PDZD8: variants seen among roughly 807,000 people sequenced by gnomAD.
PDZD8 encodes the protein PDZ domain-containing protein 8.
PDZD8 carries 14 observed loss-of-function variants against 85.8 expected under a neutral mutation model. The ratio of observed to expected loss-of-function variants is 0.16; its 90% CI spans 0.11 to 0.26. The LOEUF (loss-of-function observed/expected upper bound fraction) is 0.26, where lower values mean the gene tolerates loss of function less well. PDZD8 is among the 10% of genes least tolerant of loss of function. The pLI, the probability that PDZD8 is intolerant of heterozygous loss-of-function variation, is 1.00. For synonymous variants in PDZD8, 592 were observed against 568.6 expected, an observed-to-expected ratio of 1.04 and a Z score of -0.59; for missense variants, 1,197 against 1,424.3, an observed-to-expected ratio of 0.84 and a Z score of 2.57.
chr10:117,333,217 C>T (rs1408170827), intron 2 of PDZD8, among the ~76,000 whole-genome samples: 1 of 150,854 alleles, frequency 6.6e-6, no homozygotes, highest in Non-Finnish European at 1.5e-5. Flanking sequence ...GATTCAAATT[C>T]CAGTGGTACT....
At chr10:117,350,105 C>A (rs1189184321) in intron 1 of PDZD8, among the ~76,000 whole-genome samples, 1 of 152,068 alleles carries the variant, frequency 6.6e-6, no homozygotes, top group Admixed American at 6.5e-5. Flanking sequence ...CAAAACAATT[C>A]TTTGAGATAG....
chr10:117,345,329 G>A (rs1844686210), intron 1 of PDZD8, among the ~76,000 whole-genome samples: 1 of 152,176 alleles, frequency 6.6e-6, no homozygotes, highest in Admixed American at 6.5e-5. Context: ...CAGGAAATAA[G>A]ACAGCTGGGA....
At chr10:117,318,744 TAA>T in intron 3 of PDZD8, 126 bp downstream of exon 3, 1 of 605,174 alleles carries the variant, frequency 1.7e-6, no homozygotes, top group East Asian at 2.9e-5. Flanking sequence ...ACGAGACAAA[TAA>T]ATAAGAACTG....
chr10:117,342,713 A>G (rs1374459038), intron 1 of PDZD8, among the ~76,000 whole-genome samples: 2 of 152,142 alleles, frequency 1.3e-5, no homozygotes, highest in Non-Finnish European at 2.9e-5. Flanking sequence ...CCTGACCTCA[A>G]GTGATCTGCC....
Position 117,350,022 on chromosome 10 carries a change from A to G in PDZD8, c.873-8920T>C, listed in dbSNP as rs1178900546. Among the ~76,000 whole-genome samples the G allele has an allele frequency of 6.3e-4, 96 of 152,274 alleles. 2 individuals carry two copies. The highest frequency in any genetic ancestry group is 1.5e-4 in the Non-Finnish European group (10 of 68,012). ...TGTTTAGTAATACAGAGGTAACACC[A>G]CTATTATTAGTATAGCTAACACTTA... On this transcript the variant is annotated intron_variant, in intron 1 of 4. Transcript: ENST00000334464.
In PDZD8 at chr10:117,374,763, G is replaced by A. The variant is rs1026198655; in HGVS notation, c.465C>T (p.Pro155=). The A allele has an allele frequency of 1.9e-6, 3 of 1,612,848 alleles. No homozygotes were observed. The highest frequency in any genetic ancestry group is 2.7e-5 in the African/African-American group (2 of 75,022). Residue 155 remains proline, a synonymous_variant, in exon 1 of 5, where the codon CCC becomes CCT. Transcript: ENST00000334464. This position sits in a 1 kb window ranked among gnomAD's most constrained non-coding sequence, Gnocchi z 7.8. ...LRDVFLGETV[P]FIKTIRLVRP... is the part of the protein sequence containing the mutation. Reference sequence around the variant, plus strand: ...GCACGAGCCGGATGGTCTTGATGAAGGGCACCGTCTCGCCCAGGAACACGT... The same window carrying A: ...GCACGAGCCGGATGGTCTTGATGAAAGGCACCGTCTCGCCCAGGAACACGT...
At chr10:117,322,762 T>C (rs1429189555) in intron 2 of PDZD8, among the ~76,000 whole-genome samples, 1 of 152,126 alleles carries the variant, frequency 6.6e-6, no homozygotes, top group East Asian at 1.9e-4. Flanking sequence ...ATGTAAGAGC[T>C]ATTAGAGCAA....
At chr10:117,285,586 TA>T in intron 4 of PDZD8, 115 bp from the exon 5 acceptor site, 1 of 1,147,024 alleles carries the variant, frequency 8.7e-7, no homozygotes, top group African/African-American at 1.6e-5. Context: ...GTTATTTAAC[TA>T]ATAGAAGAAT....
At chr10:117,319,366 A>G (rs1844185723) in intron 2 of PDZD8, among the ~76,000 whole-genome samples, 1 of 150,618 alleles carries the variant, frequency 6.6e-6, no homozygotes, top group Non-Finnish European at 1.5e-5. Context: ...ACATACACAC[A>G]CTAAAGTGCA....
chr10:117,342,429 T>C (rs1935169), intron 1 of PDZD8, among the ~76,000 whole-genome samples: 113,994 of 144,688 alleles, frequency 0.79, 44,247 homozygotes, highest in Non-Finnish European at 0.87. Context: ...CACACACACA[T>C]AGTCAAAAGT....
chr10:117,342,803 T>A (rs925958746), intron 1 of PDZD8, among the ~76,000 whole-genome samples: 7 of 152,176 alleles, frequency 4.6e-5, no homozygotes, highest in African/African-American at 1.7e-4. Flanking sequence ...AATTAATCTT[T>A]CTAATCATAT....
At chr10:117,340,955 A>C (rs748823179) in intron 2 of PDZD8, 25 bp downstream of exon 2, 24 of 1,612,940 alleles carry the variant, frequency 1.5e-5, no homozygotes, top group Non-Finnish European at 2.0e-5. Context: ...CCCGTAACTT[A>C]GTAATGACAA....
chr10:117,344,313 C>T (rs1171025424), intron 1 of PDZD8, among the ~76,000 whole-genome samples: 3 of 152,196 alleles, frequency 2.0e-5, no homozygotes, highest in African/African-American at 7.2e-5. Context: ...GATAAGAAAG[C>T]CAAGTCTGTG....
chr10:117,304,331 C>T (rs1843895854), intron 3 of PDZD8, among the ~76,000 whole-genome samples: 1 of 152,152 alleles, frequency 6.6e-6, no homozygotes. Flanking sequence ...TTTGGAATGG[C>T]TGTATTTACC....
chr10:117,372,510 G>A (rs1406732235), intron 1 of PDZD8, among the ~76,000 whole-genome samples: 1 of 152,044 alleles, frequency 6.6e-6, no homozygotes, highest in Non-Finnish European at 1.5e-5. Flanking sequence ...AAAGCTATCA[G>A]AAAACATCAT....
At chr10:117,327,991 T>C (rs1844346165) in intron 2 of PDZD8, among the ~76,000 whole-genome samples, 1 of 152,236 alleles carries the variant, frequency 6.6e-6, no homozygotes, top group Non-Finnish European at 1.5e-5. Flanking sequence ...ATAACATTAG[T>C]GTCTCCTACA....
At chr10:117,342,393 T>TACACACACACACACACACACACAC (rs59113065) in intron 1 of PDZD8, among the ~76,000 whole-genome samples, 38 of 145,678 alleles carry the variant, frequency 2.6e-4, no homozygotes, top group Non-Finnish European at 4.5e-4. Flanking sequence ...CACAAACAGA[T>TACACACACACACACACACACACAC]ACACACACAC....
At chr10:117,321,564 C>T (rs1246463843) in intron 2 of PDZD8, among the ~76,000 whole-genome samples, 4 of 151,954 alleles carry the variant, frequency 2.6e-5, no homozygotes, top group East Asian at 1.9e-4. Flanking sequence ...TAAACTCTGA[C>T]GGTGGTTATA....
intron 3 of PDZD8, among the ~76,000 whole-genome samples, chr10:117,291,741 T>C (rs1323683402): frequency 6.6e-6 from 1 of 151,972 alleles, no homozygotes; most frequent in Non-Finnish European, 1.5e-5. Flanking sequence ...CAAGATCATT[T>C]TGTTTTCTAA....
Sources: gnomAD v4.1 joint callset for allele counts (sites outside exome capture counted in the v4.1 genomes callset) on GRCh38, gnomAD v4.1.1 for gene constraint, Gnocchi (gnomAD v3.1) non-coding constraint, MANE v1.5 for transcripts, NCBI Gene and HGNC (gene_info 2026-07-23, HGNC 2026-07-21) for gene names.